Variants in BCR observed in about 807,000 individuals in gnomAD.
BCR encodes breakpoint cluster region protein.
Under a neutral mutation model 138.6 loss-of-function variants are expected in BCR, and 58 were observed. That is an observed-to-expected ratio of 0.42 (90% CI 0.34 to 0.52). The LOEUF (loss-of-function observed/expected upper bound fraction) is 0.52. Ranked by LOEUF, BCR falls within the 20% of genes least tolerant of loss-of-function variation. BCR has a pLI of 0.06. For missense variants in BCR, 1,599 were observed against 1,727.2 expected, an observed-to-expected ratio of 0.93 and a Z score of 1.32; for synonymous variants, 786 against 730.1, an observed-to-expected ratio of 1.08 and a Z score of -1.23.
chr22:23,307,699 T>C (rs1047770884), intron 16 of BCR: 1 of 151,166 alleles, frequency 6.6e-6, no homozygotes, highest in Non-Finnish European at 1.5e-5. Context: ...TTTGCTTCTC[T>C]GTGCCACTCT....
chr22:23,182,271 C>G (rs765988278), intron 1 of BCR, 32 bp downstream of exon 1: 1 of 1,505,798 alleles, frequency 6.6e-7, no homozygotes, highest in East Asian at 2.4e-5. Flanking sequence ...CGTGGGCACA[C>G]CTGCACGGGG....
chr22:23,219,716 C>T lies in BCR; in HGVS notation c.1280-34083C>T, dbSNP rs9624061. On this transcript the variant is annotated intron_variant, in intron 1 of 22. Coordinates refer to ENST00000305877, the MANE Select transcript of BCR (RefSeq NM_004327.4). ...CCACCCCTCTGTGTGCTTCCTGCAC[C>T]CCCTCTCCTTGCCTAGAATGTCCCC... is the stretch of plus-strand genomic sequence containing the variant. Among the ~76,000 whole-genome samples, 274 of 152,260 alleles carry T rather than the reference C, an allele frequency of 1.8e-3. 1 individual carries two copies. Among genetic ancestry groups the T allele is most frequent in the African/African-American group, 6.3e-3 (261 of 41,554 alleles).
intron 1 of BCR, among the ~76,000 whole-genome samples, chr22:23,200,021 G>A (rs1397295511): frequency 6.6e-6 from 1 of 151,568 alleles, no homozygotes. Flanking sequence ...TCGGGAGGCA[G>A]AGCTTGCAGT....
At chr22:23,311,638 C>G in intron 18 of BCR, 59 bp from the exon 19 acceptor site, 6 of 1,452,490 alleles carry the variant, frequency 4.1e-6, no homozygotes, top group South Asian at 1.2e-5. Context: ...GAGCAGGTCT[C>G]CTGTGTTATG....
At chr22:23,244,095 A>G (rs1017869788) in intron 1 of BCR, among the ~76,000 whole-genome samples, 5 of 152,188 alleles carry the variant, frequency 3.3e-5, no homozygotes, top group African/African-American at 1.2e-4. Context: ...TAACCTGTGA[A>G]GTCTGACACT....
At chr22:23,278,339 T>C (rs560977754) in intron 8 of BCR, among the ~76,000 whole-genome samples, 14 of 152,288 alleles carry the variant, frequency 9.2e-5, no homozygotes, top group Admixed American at 1.3e-4. Flanking sequence ...AGGAAGGCCC[T>C]GGAGGAGGGA....
chr22:23,252,940 G>C (rs761533934), intron 1 of BCR, among the ~76,000 whole-genome samples: 2 of 152,212 alleles, frequency 1.3e-5, no homozygotes, highest in Non-Finnish European at 2.9e-5. Context: ...AGATCCCACT[G>C]TTAAGGGCTC....
intron 16 of BCR, among the ~76,000 whole-genome samples, chr22:23,300,256 C>T (rs1293425661): frequency 1.3e-5 from 2 of 152,174 alleles, no homozygotes; most frequent in Admixed American, 1.3e-4. Context: ...CACTTTCTGC[C>T]TCTGTGGATT....
intron 1 of BCR, among the ~76,000 whole-genome samples, chr22:23,222,097 C>CA (rs902806010): frequency 4.0e-5 from 6 of 151,216 alleles, no homozygotes; most frequent in Non-Finnish European, 5.9e-5. Flanking sequence ...TCTCAAAAAA[C>CA]AAAAAAAAGA....
intron 4 of BCR, chr22:23,264,160 G>A: frequency 1.4e-6 from 2 of 1,472,540 alleles, no homozygotes; most frequent in South Asian, 1.1e-5. Flanking sequence ...CAGACAGATG[G>A]CAACCACTTG....
chr22:23,195,967 A>C (rs1347264751), intron 1 of BCR, among the ~76,000 whole-genome samples: 1 of 152,264 alleles, frequency 6.6e-6, no homozygotes, highest in African/African-American at 2.4e-5. Context: ...AAATAAAAAA[A>C]CATTGCCATC....
At chr22:23,204,260 T>C (rs78220028) in intron 1 of BCR, among the ~76,000 whole-genome samples, 1 of 152,182 alleles carries the variant, frequency 6.6e-6, no homozygotes, top group Non-Finnish European at 1.5e-5. Flanking sequence ...CCTCTTGCTC[T>C]GCGTTGCCCA....
In BCR at chr22:23,193,579, G is replaced by A. The variant is rs1026495932; in HGVS notation, c.1279+11340G>A. Among the ~76,000 whole-genome samples the A allele has an allele frequency of 1.3e-5, 2 of 152,256 alleles. 1 individual carries two copies. Among genetic ancestry groups the A allele is most frequent in the Non-Finnish European group, 2.9e-5 (2 of 68,042 alleles). On this transcript the variant is annotated intron_variant, in intron 1 of 22. Coordinates refer to ENST00000305877, the MANE Select transcript of BCR (RefSeq NM_004327.4). ...ATGAGCTCCGGGGGGACCCTGGGGT[G>A]TGTCAGGGCCCTCATTCTCCTCCTA...
intron 1 of BCR, among the ~76,000 whole-genome samples, chr22:23,226,908 G>A (rs1236592314): frequency 6.6e-6 from 1 of 152,206 alleles, no homozygotes; most frequent in Non-Finnish European, 1.5e-5. Context: ...AGTCCTATAG[G>A]TTTGGGTTTG....
intron 4 of BCR, among the ~76,000 whole-genome samples, chr22:23,266,081 CT>C (rs1004019423): frequency 5.7e-4 from 84 of 147,936 alleles, no homozygotes; most frequent in African/African-American, 9.4e-4. Flanking sequence ...ATGACCTTGA[CT>C]TTTTTTTTTT....
chr22:23,285,673 A>G (rs1167127820), intron 10 of BCR, among the ~76,000 whole-genome samples: 1 of 152,162 alleles, frequency 6.6e-6, no homozygotes, highest in Non-Finnish European at 1.5e-5. Flanking sequence ...AACCTAGGCA[A>G]ACACCTCCTA....
intron 1 of BCR, among the ~76,000 whole-genome samples, chr22:23,220,474 G>T (rs1400778302): frequency 2.0e-5 from 3 of 152,152 alleles, no homozygotes; most frequent in African/African-American, 7.2e-5. Context: ...GTTGGGTTCA[G>T]GTATGAAGTG....
At chr22:23,222,884 T>A (rs5996499) in intron 1 of BCR, among the ~76,000 whole-genome samples, 5,103 of 152,294 alleles carry the variant, frequency 0.034, 277 homozygotes, top group African/African-American at 0.11. Context: ...CAGGCTGGGC[T>A]GTTTATAAAC....
intron 1 of BCR, among the ~76,000 whole-genome samples, chr22:23,236,850 C>T (rs1271170973): frequency 8.8e-6 from 1 of 113,880 alleles, no homozygotes; most frequent in Non-Finnish European, 2.0e-5. Context: ...GTCTGGGAAG[C>T]GTGAACAAAT....
Sources: allele counts gnomAD v4.1 joint callset (sites outside exome capture counted in the v4.1 genomes callset), GRCh38; gene constraint gnomAD v4.1.1; transcripts MANE v1.5; gene names NCBI Gene and HGNC (gene_info 2026-07-23, HGNC 2026-07-21).